Variants in RAD51B observed in about 807,000 individuals in gnomAD.
The protein encoded by RAD51B is RAD51 paralog B.
A neutral mutation model predicts 42.2 loss-of-function variants in RAD51B; 38 were observed. That is an observed-to-expected ratio of 0.90 (90% CI 0.70 to 1.18). RAD51B has a LOEUF of 1.18. Among genes scored for constraint, RAD51B ranks in the 50% most tolerant of loss-of-function variants. The probability of loss-of-function intolerance (pLI) is 0.00; values close to 1 mark genes in which losing one functional copy is unlikely to be tolerated. For synonymous variants in RAD51B, 154 were observed against 145.2 expected (o/e 1.06, Z -0.43); for missense variants, 373 against 400.7 (o/e 0.93, Z 0.59).
chr14:68,673,337 C>CACACATATACATAA, intron 11 of RAD51B, among the ~76,000 whole-genome samples: 1 of 151,770 alleles, frequency 6.6e-6, no homozygotes, highest in South Asian at 2.1e-4. Flanking sequence ...ACATTGTATG[C>CACACATATACATAA]ACACATATAC....
In RAD51B at chr14:68,555,553, A is replaced by T. The variant is rs145676097; in HGVS notation, c.1037-38932A>T. Among the ~76,000 whole-genome samples, 597 of 152,142 alleles carry T rather than the reference A, an allele frequency of 3.9e-3. 1 individual carries two copies. Among genetic ancestry groups the T allele is most frequent in the Non-Finnish European group, 5.8e-3 (396 of 67,986 alleles). ...GGTGGATCACAGTCTCCCCTCTTCC[A>T]CCTGCTGGCATTCCTGCCTTTGGGG... On this transcript the variant is annotated intron_variant, in intron 10 of 10. Transcript: ENST00000487270.
chr14:67,983,835 A>G (rs2075136793), intron 7 of RAD51B, among the ~76,000 whole-genome samples: 1 of 151,494 alleles, frequency 6.6e-6, no homozygotes, highest in African/African-American at 2.4e-5. Context: ...ATTGTTAGGC[A>G]TATCTCTTTA....
chr14:68,495,072 T>G (rs1190648698), intron 10 of RAD51B, among the ~76,000 whole-genome samples: 3 of 152,200 alleles, frequency 2.0e-5, no homozygotes, highest in Non-Finnish European at 4.4e-5. Flanking sequence ...GATCTTCTAT[T>G]CAGGCAGAGA....
intron 8 of RAD51B, among the ~76,000 whole-genome samples, chr14:68,401,014 C>T (rs71423308): frequency 0.022 from 3,398 of 152,156 alleles, 51 homozygotes; most frequent in Non-Finnish European, 0.033. Context: ...GAGGAGATTG[C>T]TTCTTTTTAT....
intron 8 of RAD51B, among the ~76,000 whole-genome samples, chr14:68,313,605 G>A (rs1488706482): frequency 6.6e-6 from 1 of 152,058 alleles, no homozygotes. Context: ...CTCTTCTCTG[G>A]GTTTTCATTC....
chr14:68,327,469 A>G (rs1358832051), intron 8 of RAD51B, among the ~76,000 whole-genome samples: 1 of 150,696 alleles, frequency 6.6e-6, no homozygotes, highest in Admixed American at 6.6e-5. Flanking sequence ...AGAGTATATT[A>G]CGCTTGGAGG....
At chr14:68,285,309 GT>G (rs1311389966) in intron 7 of RAD51B, among the ~76,000 whole-genome samples, 1 of 152,178 alleles carries the variant, frequency 6.6e-6, no homozygotes, top group Non-Finnish European at 1.5e-5. Context: ...CTAGGTCACT[GT>G]CATATATGGC....
At chr14:68,264,364 G>A (rs905036895) in intron 7 of RAD51B, among the ~76,000 whole-genome samples, 3 of 152,334 alleles carry the variant, frequency 2.0e-5, no homozygotes, top group South Asian at 2.1e-4. Context: ...AGGCAGGAAC[G>A]GAGCCAGACT....
At chr14:67,849,374 C>T (rs181366045) in intron 4 of RAD51B, among the ~76,000 whole-genome samples, 39 of 152,246 alleles carry the variant, frequency 2.6e-4, no homozygotes, top group African/African-American at 4.6e-4. Flanking sequence ...CTTCACCTCC[C>T]GGGTTCAAGC....
intron 7 of RAD51B, among the ~76,000 whole-genome samples, chr14:68,000,550 A>C (rs1478188035): frequency 2.0e-5 from 3 of 152,190 alleles, no homozygotes. Flanking sequence ...ATGTCCTGTT[A>C]AGATTTTTTT....
chr14:67,923,269 T>C (rs2044387996), intron 7 of RAD51B, among the ~76,000 whole-genome samples: 2 of 151,320 alleles, frequency 1.3e-5, no homozygotes, highest in Admixed American at 6.6e-5. Context: ...TATATATATA[T>C]CACAATTTCT....
At position 67,973,422 on chromosome 14, in the gene RAD51B, C is replaced by G. The variant is rs183183549; in HGVS notation, c.756+86218C>G. Reference sequence around the variant, plus strand: ...TTGCTGCCATCAGACAGCACACACACACAAAAAACTATGTCTAAACTGTTA... The same window carrying G: ...TTGCTGCCATCAGACAGCACACACAGACAAAAAACTATGTCTAAACTGTTA... On this transcript the variant is annotated intron_variant, in intron 7 of 10. Coordinates refer to ENST00000471583, the MANE Select transcript of RAD51B (RefSeq NM_133510.4). Among the ~76,000 whole-genome samples the G allele has an allele frequency of 2.6e-5, 4 of 152,238 alleles. No homozygotes were observed. In the East Asian group the frequency reaches 7.7e-4, roughly 29 times the overall value.
chr14:68,460,048 C>T (rs113145157), intron 9 of RAD51B, among the ~76,000 whole-genome samples: 9,467 of 152,192 alleles, frequency 0.062, 406 homozygotes, highest in Non-Finnish European at 0.091. Flanking sequence ...GCCTCATGGC[C>T]GCCTATTCAT....
At chr14:68,008,934 G>A (rs72725157) in intron 7 of RAD51B, among the ~76,000 whole-genome samples, 26,138 of 151,766 alleles carry the variant, frequency 0.17, 2,430 homozygotes, top group Middle Eastern at 0.34. Flanking sequence ...GTTTGCTGTC[G>A]TAGAGATACG....
intron 7 of RAD51B, among the ~76,000 whole-genome samples, chr14:68,087,934 ATAATTTAT>A: frequency 8.7e-6 from 1 of 114,780 alleles, no homozygotes; most frequent in Non-Finnish European, 1.6e-5. Flanking sequence ...ATATAATTAT[ATAATTTAT>A]TATTATATAT....
At chr14:68,023,616 C>T (rs904712107) in intron 7 of RAD51B, among the ~76,000 whole-genome samples, 2 of 152,078 alleles carry the variant, frequency 1.3e-5, no homozygotes, top group South Asian at 2.1e-4. Flanking sequence ...TGTGAGGCAC[C>T]GCACCTGACC....
chr14:67,862,414 G>T (rs1490024697), intron 4 of RAD51B, among the ~76,000 whole-genome samples: 5 of 148,178 alleles, frequency 3.4e-5, no homozygotes, highest in African/African-American at 1.2e-4. Flanking sequence ...CTAAATAAAT[G>T]TAAGCAAAAA....
At chr14:68,196,110 A>C (rs2079367372) in intron 7 of RAD51B, among the ~76,000 whole-genome samples, 1 of 151,430 alleles carries the variant, frequency 6.6e-6, no homozygotes, top group Non-Finnish European at 1.5e-5. Flanking sequence ...AGGCTGAGGC[A>C]GGAGAATCGC....
intron 7 of RAD51B, among the ~76,000 whole-genome samples, chr14:68,256,325 A>G (rs1027164219): frequency 2.6e-5 from 4 of 152,164 alleles, no homozygotes; most frequent in Admixed American, 6.5e-5. Flanking sequence ...GAAAGGATTA[A>G]AGGATCTCTC....
Sources: gnomAD v4.1 joint callset for allele counts (sites outside exome capture counted in the v4.1 genomes callset) on GRCh38, gnomAD v4.1.1 for gene constraint, MANE v1.5 for transcripts, NCBI Gene and HGNC (gene_info 2026-07-23, HGNC 2026-07-21) for gene names.